DCC: variants seen among roughly 807,000 people sequenced by gnomAD.
DCC encodes the protein DCC netrin 1 receptor.
A neutral mutation model predicts 172.5 loss-of-function variants in DCC; 58 were observed. The ratio of observed to expected loss-of-function variants is 0.34; its 90% confidence interval spans 0.27 to 0.42. The LOEUF (loss-of-function observed/expected upper bound fraction) is 0.42. Ranked by LOEUF, DCC falls within the 10% of genes least tolerant of loss-of-function variation. The probability of loss-of-function intolerance (pLI) is 1.00; values close to 1 mark genes in which losing one functional copy is unlikely to be tolerated. For synonymous variants in DCC, 709 were observed against 644.5 expected, an observed-to-expected ratio of 1.10 and a Z score of -1.52; for missense variants, 1,740 against 1,791.0, an observed-to-expected ratio of 0.97 and a Z score of 0.51.
rs1462885674 is a variant in DCC at position 52,380,289 on chromosome 18, G to C, written c.91+39411G>C. 1.3e-5 allele frequency among the ~76,000 whole-genome samples: 2 copies of C among 152,028 alleles called. 1 individual carries two copies. Reference sequence around the variant, plus strand: ...ACCAGTCCCCTAGAATAAAGTTTCTGCTCTGAGATAAATGAGGTATTGTCC... The same window carrying C: ...ACCAGTCCCCTAGAATAAAGTTTCTCCTCTGAGATAAATGAGGTATTGTCC... On this transcript the variant is annotated intron_variant, in intron 1 of 28. Coordinates refer to ENST00000442544, the MANE Select transcript of DCC (RefSeq NM_005215.4).
chr18:53,374,168 G>GA (rs898311131), intron 15 of DCC, among the ~76,000 whole-genome samples: 73 of 149,314 alleles, frequency 4.9e-4, no homozygotes, highest in Non-Finnish European at 3.6e-4. Context: ...TAAATAAAAT[G>GA]AAAAAAAAAT....
chr18:52,845,341 G>A (rs955880326), intron 2 of DCC, among the ~76,000 whole-genome samples: 1 of 152,196 alleles, frequency 6.6e-6, no homozygotes, highest in South Asian at 2.1e-4. Flanking sequence ...AAATGTGAAA[G>A]ATAGTAAAAG....
At chr18:53,355,020 A>G (rs2057861610) in intron 15 of DCC, among the ~76,000 whole-genome samples, 1 of 152,076 alleles carries the variant, frequency 6.6e-6, no homozygotes, top group African/African-American at 2.4e-5. Flanking sequence ...AGCACCATTT[A>G]TTAAATAGGG....
intron 3 of DCC, among the ~76,000 whole-genome samples, chr18:52,914,896 C>T (rs2040019135): frequency 6.6e-6 from 1 of 152,004 alleles, no homozygotes; most frequent in Admixed American, 6.6e-5. Flanking sequence ...AAGAAAATAC[C>T]CCACAGTAGC....
intron 1 of DCC, among the ~76,000 whole-genome samples, chr18:52,602,487 G>A (rs2034037217): frequency 6.6e-6 from 1 of 150,976 alleles, no homozygotes; most frequent in Non-Finnish European, 1.5e-5. Flanking sequence ...TGCCAGCAGG[G>A]GATCAGTGAC....
intron 5 of DCC, among the ~76,000 whole-genome samples, chr18:53,057,804 G>T (rs2042432035): frequency 6.6e-6 from 1 of 152,020 alleles, no homozygotes; most frequent in Non-Finnish European, 1.5e-5. Context: ...CACAGAAGTG[G>T]GAGAAAGCGT....
At chr18:52,796,900 T>A (rs1049332817) in intron 2 of DCC, among the ~76,000 whole-genome samples, 1 of 152,152 alleles carries the variant, frequency 6.6e-6, no homozygotes, top group African/African-American at 2.4e-5. Context: ...ATTAAATAGG[T>A]TTTCTATGCC....
At chr18:52,674,420 G>A (rs2035612589) in intron 1 of DCC, among the ~76,000 whole-genome samples, 2 of 152,108 alleles carry the variant, frequency 1.3e-5, no homozygotes. Flanking sequence ...ACAACAGATT[G>A]GATGGTGTCT....
intron 1 of DCC, among the ~76,000 whole-genome samples, chr18:52,543,841 G>A (rs2032534872): frequency 6.6e-6 from 1 of 152,154 alleles, no homozygotes; most frequent in African/African-American, 2.4e-5. Context: ...GCACTTCCTG[G>A]CATCTGTGTA....
intron 2 of DCC, among the ~76,000 whole-genome samples, chr18:52,904,570 A>G (rs1412378079): frequency 6.6e-6 from 1 of 152,256 alleles, no homozygotes; most frequent in Non-Finnish European, 1.5e-5. Flanking sequence ...GACCCAAATT[A>G]AAACTAAGGG....
chr18:53,339,961 G>C, intron 15 of DCC, 54 bp downstream of exon 15: 1 of 1,502,750 alleles, frequency 6.7e-7, no homozygotes, highest in Non-Finnish European at 9.2e-7. Flanking sequence ...GATTTATTTT[G>C]AATTATTGTA....
At chr18:53,071,538 C>A (rs2042651339) in intron 7 of DCC, among the ~76,000 whole-genome samples, 1 of 152,134 alleles carries the variant, frequency 6.6e-6, no homozygotes, top group East Asian at 1.9e-4. Flanking sequence ...AGAACACATG[C>A]ACAAATAGAG....
At chr18:52,408,888 G>A (rs2144397572) in intron 1 of DCC, among the ~76,000 whole-genome samples, 1 of 152,152 alleles carries the variant, frequency 6.6e-6, no homozygotes, top group South Asian at 2.1e-4. Flanking sequence ...AATGATTTGT[G>A]GGAGTTTGGG....
intron 7 of DCC, among the ~76,000 whole-genome samples, chr18:53,080,031 T>G (rs893249123): frequency 6.6e-6 from 1 of 152,000 alleles, no homozygotes; most frequent in East Asian, 1.9e-4. Flanking sequence ...AAAGATAACT[T>G]TGGAAGCTGT....
intron 5 of DCC, among the ~76,000 whole-genome samples, chr18:53,052,885 C>A (rs912738594): frequency 3.3e-5 from 5 of 151,984 alleles, no homozygotes; most frequent in Non-Finnish European, 7.4e-5. Context: ...TGGCTCATGC[C>A]TAATCCCAGC....
rs1911432973 is a variant in DCC at position 53,429,134 on chromosome 18, T to C, written c.3164-6010T>C. Among the ~76,000 whole-genome samples, 4 of 121,060 alleles carry C rather than the reference T, an allele frequency of 3.3e-5. 1 individual carries two copies. In the South Asian group the frequency reaches 9.0e-4, roughly 27 times the overall value. 79.4% of individuals were successfully genotyped at this position (121,060 alleles called of 152,430 possible). On this transcript the variant is annotated intron_variant, in intron 21 of 28. Transcript: ENST00000442544. The stretch of plus-strand genomic sequence containing the variant: ...TATATATTTTATATATATATAAATA[T>C]ATATATATCGGTTGGTCTGGCGAAG...
chr18:52,396,233 T>C (rs947585054), intron 1 of DCC, among the ~76,000 whole-genome samples: 28 of 151,950 alleles, frequency 1.8e-4, no homozygotes, highest in Non-Finnish European at 5.9e-5. Context: ...TGCTACTGAT[T>C]TGTGAACTTC....
intron 11 of DCC, among the ~76,000 whole-genome samples, 184 bp from the exon 12 acceptor site, chr18:53,215,364 A>AT (rs1026487395): frequency 2.6e-5 from 4 of 151,988 alleles, no homozygotes; most frequent in African/African-American, 9.7e-5. Flanking sequence ...ATGAGAAAAA[A>AT]AAAATAGACA....
chr18:53,231,338 G>C (rs183664480), intron 12 of DCC, among the ~76,000 whole-genome samples: 1 of 152,092 alleles, frequency 6.6e-6, no homozygotes, highest in African/African-American at 2.4e-5. Context: ...TAGATGAAAA[G>C]TCATAAATGA....
Sources: gnomAD v4.1 joint callset for allele counts (sites outside exome capture counted in the v4.1 genomes callset) on GRCh38, gnomAD v4.1.1 for gene constraint, MANE v1.5 for transcripts, NCBI Gene and HGNC (gene_info 2026-07-23, HGNC 2026-07-21) for gene names.